The following KIF1B variants were observed in gnomAD, a reference collection of about 807,000 sequenced individuals.
The protein encoded by KIF1B is kinesin family member 1B.
In KIF1B, 76 loss-of-function variants were observed where a neutral mutation model predicts 241.9. That is an observed-to-expected ratio of 0.31 (90% CI 0.26 to 0.38). The LOEUF is 0.38. Among genes scored for constraint, KIF1B ranks in the 10% least tolerant of loss-of-function variants. KIF1B has a pLI of 1.00. For synonymous variants in KIF1B, 750 were observed against 796.7 expected, an observed-to-expected ratio of 0.94 and a Z score of 0.99; for missense variants, 1,622 against 2,271.4, an observed-to-expected ratio of 0.71 and a Z score of 5.81.
In KIF1B at chr1:10,365,206, G is replaced by T. The variant is rs1638533887; in HGVS notation, c.4473G>T (p.Glu1491Asp). 1.9e-6 allele frequency: 3 copies of T among 1,614,108 alleles called. No homozygotes were observed. Among genetic ancestry groups the T allele is most frequent in the Non-Finnish European group, 2.5e-6 (3 of 1,180,030 alleles). ...CCCGTGGAGACAGCCTCATCCTTGA[G>T]CACCAGTGGGAGCTGGAGAAGCTGG... ...WRPRGDSLIL[E>D]HQWELEKLEL... Residue 1491 changes from glutamate to aspartate, a missense_variant, in exon 42 of 49, where the codon GAG becomes GAT. Transcript: ENST00000676179. This position sits in a 1 kb window ranked among gnomAD's most constrained non-coding sequence, Gnocchi z 4.0.
intron 38 of KIF1B, 39 bp from the exon 39 acceptor site, chr1:10,360,890 C>T: frequency 2.1e-6 from 3 of 1,422,420 alleles, no homozygotes; most frequent in Non-Finnish European, 3.0e-6. Context: ...GTGACTTTAG[C>T]TTCTTTTGGA....
chr1:10,343,431 G>A (rs1569863808), intron 34 of KIF1B, 144 bp downstream of exon 34: 2 of 831,540 alleles, frequency 2.4e-6, no homozygotes, highest in Non-Finnish European at 4.0e-6. Context: ...TATGTATCTA[G>A]TAGGAACTAG....
At chr1:10,317,011 CCAGGGATCCCAGGGGCTGGGCAT>C (rs1297172814) in intron 22 of KIF1B, among the ~76,000 whole-genome samples, 2 of 151,272 alleles carry the variant, frequency 1.3e-5, no homozygotes, top group East Asian at 3.9e-4. Context: ...CTCCTGGGCT[CCAGGGATCCCAGGGGCTGGGCAT>C]GGTGGCTCAC....
intron 22 of KIF1B, among the ~76,000 whole-genome samples, chr1:10,313,428 A>C (rs1651153271): frequency 6.6e-6 from 1 of 151,406 alleles, no homozygotes; most frequent in Non-Finnish European, 1.5e-5. Flanking sequence ...CATTAAGAAC[A>C]CTTCCTGATA....
chr1:10,297,320 A>G, intron 22 of KIF1B, 74 bp downstream of exon 22: 1 of 1,291,674 alleles, frequency 7.7e-7, no homozygotes, highest in South Asian at 1.2e-5. Flanking sequence ...TCCACAGAGC[A>G]GTACTCACCC....
rs140511757 is a variant in KIF1B, at chr1:10,305,674, C to G, written c.2115+8428C>G. 3.8e-6 allele frequency: 4 copies of G among 1,056,972 alleles called. No homozygotes were observed. In the African/African-American group the frequency reaches 6.6e-5, roughly 17 times the overall value. 65.5% of individuals were successfully genotyped at this position (1,056,972 alleles called of 1,614,324 possible). ...TATTCTTTGGTTAGCATTAGTAATG[C>G]TTGTAGACACTCAAACAAGGAAGGC... On this transcript the variant is annotated intron_variant, in intron 22 of 48. Coordinates refer to ENST00000676179, the MANE Select transcript of KIF1B (RefSeq NM_001365951.3).
chr1:10,336,979 A>G (rs2102315601), intron 29 of KIF1B, 95 bp from the exon 30 acceptor site: 3 of 1,523,178 alleles, frequency 2.0e-6, no homozygotes, highest in South Asian at 2.3e-5. Context: ...TCCAGTCACT[A>G]TTATTTGTTG....
rs114381621 is a variant in KIF1B at position 10,308,966 on chromosome 1, T to G, written c.2116-11077T>G. On this transcript the variant is annotated intron_variant, in intron 22 of 48. Coordinates refer to ENST00000676179, the MANE Select transcript of KIF1B (RefSeq NM_001365951.3). The stretch of plus-strand genomic sequence containing the variant: ...TGAAGTTCTTTTAAATGAAATGATT[T>G]ATTTTCCTTTATATGGGCAGAAACT... 7.2e-3 allele frequency among the ~76,000 whole-genome samples: 1,100 copies of G among 152,348 alleles called. 14 individuals carry two copies. The highest frequency in any genetic ancestry group is 0.024 in the African/African-American group (1,014 of 41,578).
intron 4 of KIF1B, among the ~76,000 whole-genome samples, chr1:10,259,797 G>A (rs1648022074): frequency 6.6e-6 from 1 of 151,536 alleles, no homozygotes; most frequent in Non-Finnish European, 1.5e-5. Flanking sequence ...ACCATGCCCG[G>A]CCTTTAAAAT....
chr1:10,218,566 A>G (rs1033686824), intron 1 of KIF1B, among the ~76,000 whole-genome samples: 1 of 152,012 alleles, frequency 6.6e-6, no homozygotes, highest in Non-Finnish European at 1.5e-5. Flanking sequence ...GATTACAGTC[A>G]TGTGCCATCA....
rs878980224 is a variant in KIF1B at position 10,381,039 on chromosome 1, G to A, written c.*4452G>A. The A allele has an allele frequency of 4.9e-5, 11 of 222,782 alleles. No individual in the cohort carries two copies. Among genetic ancestry groups the A allele is most frequent in the Admixed American group, 4.6e-4 (8 of 17,430 alleles). The allele number at this position is 222,782 out of a possible 1,614,324, so 13.8% of individuals were successfully genotyped here. Reference sequence around the variant, plus strand: ...TTCAGTAAAAAGCTCATAGCCAAACGGCTGTGCTCAGATGGAAAGTCTGAG... The same window carrying A: ...TTCAGTAAAAAGCTCATAGCCAAACAGCTGTGCTCAGATGGAAAGTCTGAG... On this transcript the variant is annotated 3_prime_UTR_variant, in exon 49 of 49. Transcript: ENST00000676179.
intron 36 of KIF1B, 96 bp downstream of exon 36, chr1:10,347,923 AT>A: frequency 9.2e-7 from 1 of 1,089,396 alleles, no homozygotes; most frequent in Non-Finnish European, 1.4e-6. Flanking sequence ...TTTCATCTCT[AT>A]TTCAGAGGGT....
intron 22 of KIF1B, among the ~76,000 whole-genome samples, chr1:10,309,777 G>A (rs1557705677): frequency 7.3e-5 from 11 of 151,462 alleles, no homozygotes. Flanking sequence ...AGTGTCCTCA[G>A]GGGCTTTCCA....
Position 10,267,362 on chromosome 1 carries a change from T to C in KIF1B, c.430-18T>C. ...GATTTCTTTTTCACTCTAATTCACT[T>C]TACTAATTTGTTCATAGGTGAGCTA... On this transcript the variant is annotated intron_variant, in intron 5 of 48. Transcript: ENST00000676179. 6.2e-7 allele frequency: 1 copy of C among 1,611,894 alleles called. No individual in the cohort carries two copies. The highest frequency in any genetic ancestry group is 8.5e-7 in the Non-Finnish European group (1 of 1,177,972).
intron 12 of KIF1B, among the ~76,000 whole-genome samples, chr1:10,277,017 G>A (rs377647961): frequency 2.6e-4 from 40 of 151,686 alleles, no homozygotes; most frequent in African/African-American, 9.7e-4. Context: ...GGAGGCGGAG[G>A]TTGCAGTGAG....
chr1:10,324,947 G>T (rs746766948), intron 26 of KIF1B, 52 bp downstream of exon 26: 3 of 1,596,932 alleles, frequency 1.9e-6, no homozygotes, highest in Non-Finnish European at 2.6e-6. Context: ...TTAGTTTTAA[G>T]TGTTTAAAAC....
chr1:10,380,295 AT>A lies in KIF1B; in HGVS notation c.*3711del, dbSNP rs1332181393. 3.3e-5 allele frequency: 7 copies of A among 211,316 alleles called. No homozygotes were observed. The highest frequency in any genetic ancestry group is 6.7e-5 in the Non-Finnish European group (7 of 103,994). The allele number at this position is 211,316 out of a possible 1,614,324, so 13.1% of individuals were successfully genotyped here. On this transcript the variant is annotated 3_prime_UTR_variant, in exon 49 of 49. Coordinates refer to ENST00000676179, the MANE Select transcript of KIF1B (RefSeq NM_001365951.3). ...GCACACTCATCGGTACTCTTTCTGC[AT>A]TTCCCTCGTGCTGTGTCCCGCTCGG...
rs1491494594 is a variant in KIF1B, at chr1:10,279,716, T to TA, written c.1222+579dup. Among the ~76,000 whole-genome samples, 13 of 78,990 alleles carry TA rather than the reference T, an allele frequency of 1.6e-4. No individual in the cohort carries two copies. In the East Asian group the frequency reaches 4.1e-3, roughly 25 times the overall value. The allele number at this position is 78,990 out of a possible 152,430, so 51.8% of individuals were successfully genotyped here. ...TTTTTTTTTTTTTTTTTTTTTTTTT[T>TA]AGACAGTCTCACTCTTGTCACCCAA... is the stretch of plus-strand genomic sequence containing the variant. On this transcript the variant is annotated intron_variant, in intron 14 of 48. Transcript: ENST00000676179.
In KIF1B at chr1:10,374,510, C is replaced by G. The variant is rs778722437; in HGVS notation, c.5096+45C>G. The G allele has an allele frequency of 1.2e-6, 2 of 1,601,104 alleles. No individual in the cohort carries two copies. Among genetic ancestry groups the G allele is most frequent in the Non-Finnish European group, 1.7e-6 (2 of 1,168,544 alleles). On this transcript the variant is annotated intron_variant, in intron 46 of 48. Coordinates refer to ENST00000676179, the MANE Select transcript of KIF1B (RefSeq NM_001365951.3). This position sits in a 1 kb window ranked among gnomAD's most constrained non-coding sequence, Gnocchi z 4.3. ...GGAATGCCAGCTATAAAAAACAAAT[C>G]CACAGGAAGAAGTGACTGGCCAGCT...
Sources: gnomAD v4.1 joint callset for allele counts (sites outside exome capture counted in the v4.1 genomes callset) on GRCh38, gnomAD v4.1.1 for gene constraint, Gnocchi (gnomAD v3.1) non-coding constraint, MANE v1.5 for transcripts, NCBI Gene and HGNC (gene_info 2026-07-23, HGNC 2026-07-21) for gene names.